Variants in KIAA1671 observed in about 807,000 individuals in gnomAD.
The protein encoded by KIAA1671 is KIAA1671.
Under a neutral mutation model 131.2 loss-of-function variants are expected in KIAA1671, and 52 were observed. The observed-to-expected ratio is 0.40, with a 90% CI of 0.32 to 0.50. The LOEUF (loss-of-function observed/expected upper bound fraction) is 0.50, where lower values mean the gene tolerates loss of function less well. Among genes scored for constraint, KIAA1671 ranks in the 20% least tolerant of loss-of-function variants. The probability of loss-of-function intolerance (pLI) is 0.73; values close to 1 mark genes in which losing one functional copy is unlikely to be tolerated. For synonymous variants in KIAA1671, 1,003 were observed against 961.6 expected (o/e 1.04, Z -0.80); for missense variants, 2,360 against 2,364.2 (o/e 1.00, Z 0.04).
At chr22:25,049,133 C>T in intron 5 of KIAA1671, 97 bp from the exon 6 acceptor site, 2 of 1,396,736 alleles carry the variant, frequency 1.4e-6, no homozygotes, top group Non-Finnish European at 1.9e-6. Context: ...TTCTTCTTTG[C>T]CCTTTTTGGT....
chr22:25,160,155 C>T (rs1933385540), intron 6 of KIAA1671, among the ~76,000 whole-genome samples: 1 of 152,214 alleles, frequency 6.6e-6, no homozygotes, highest in African/African-American at 2.4e-5. Context: ...CCATTGATCA[C>T]CAACAGAGTA....
intron 6 of KIAA1671, among the ~76,000 whole-genome samples, chr22:25,118,413 C>G (rs1248725826): frequency 6.6e-6 from 1 of 152,090 alleles, no homozygotes; most frequent in Non-Finnish European, 1.5e-5. Context: ...CTCAACCTCC[C>G]AAGTAGCTGG....
chr22:25,067,294 C>T (rs890599976), intron 6 of KIAA1671, among the ~76,000 whole-genome samples: 6 of 151,362 alleles, frequency 4.0e-5, no homozygotes, highest in African/African-American at 1.5e-4. Flanking sequence ...TCTTTTTATT[C>T]TTAGCCCCCT....
At position 25,028,988 on chromosome 22, in the gene KIAA1671, T is replaced by C. The variant is rs1157498246; in HGVS notation, c.989T>C (p.Leu330Ser). Reference protein sequence around the residue: ...RAASKLDRDCLVKAEAPLHDP... With the variant: ...RAASKLDRDCSVKAEAPLHDP... ...GCGTCCAAGCTGGACAGGGACTGTT[T>C]GGTCAAGGCGGAGGCTCCTCTTCAT... The change falls in exon 3 of 13, where the codon TTG becomes TCG. Residue 330 changes from leucine (L) to serine (S), a missense_variant. By Grantham distance (145) the Leu-to-Ser change is moderately radical. Around this residue, in one of 3 missense-constraint regions of KIAA1671, gnomAD observed 1,185 missense variants for 1,126.2 expected, o/e 1.05. Coordinates refer to ENST00000358431, the MANE Select transcript of KIAA1671 (RefSeq NM_001145206.2). The C allele has an allele frequency of 6.6e-7, 1 of 1,524,848 alleles. No individual in the cohort carries two copies. The highest frequency in any genetic ancestry group is 1.4e-5 in the African/African-American group (1 of 71,968). The allele number at this position is 1,524,848 out of a possible 1,614,324, so 94.5% of individuals were successfully genotyped here.
chr22:25,157,352 C>T (rs985984927), intron 6 of KIAA1671, among the ~76,000 whole-genome samples: 1 of 152,104 alleles, frequency 6.6e-6, no homozygotes, highest in African/African-American at 2.4e-5. Flanking sequence ...TTCCCCCTCA[C>T]GAATGGCAGG....
chr22:25,042,642 AT>A (rs144254860), intron 5 of KIAA1671, among the ~76,000 whole-genome samples: 47,822 of 144,750 alleles, frequency 0.33, 7,490 homozygotes, highest in Middle Eastern at 0.37. Flanking sequence ...AATTTTTTGT[AT>A]TTTTTTTTTT....
Position 25,029,230 on chromosome 22 carries a change from C to A in KIAA1671, c.1231C>A (p.Leu411Ile). 1 of 1,474,128 alleles carries A rather than the reference C, an allele frequency of 6.8e-7. No individual in the cohort carries two copies. Among genetic ancestry groups the A allele is most frequent in the Non-Finnish European group, 9.0e-7 (1 of 1,108,130 alleles). 91.3% of individuals were successfully genotyped at this position (1,474,128 alleles called of 1,614,324 possible). A position where few individuals can be genotyped will look rare whatever the true frequency, so the allele number is the denominator to read the frequency against. The change falls in exon 3 of 13, where the codon CTA becomes ATA. Residue 411 changes from leucine (L) to isoleucine (I), a missense_variant. Leu to Ile is a conservative substitution (Grantham distance 5). Around this residue, in one of 3 missense-constraint regions of KIAA1671, gnomAD observed 1,185 missense variants for 1,126.2 expected, o/e 1.05. Coordinates refer to ENST00000358431, the MANE Select transcript of KIAA1671 (RefSeq NM_001145206.2). ...CCCCTCACCCAGGCTGGGAAGGGGC[C>A]TAGAACTTGCTGAGGTTAAGAGCAG... Reference protein sequence around the residue: ...ESPSPRLGRGLELAEVKSRVA... With the variant: ...ESPSPRLGRGIELAEVKSRVA...
chr22:25,160,585 G>A (rs555470789), intron 6 of KIAA1671, among the ~76,000 whole-genome samples: 23 of 152,148 alleles, frequency 1.5e-4, no homozygotes, highest in African/African-American at 4.8e-4. Context: ...AGAGATGACC[G>A]CAAGGCCTTC....
At position 25,174,477 on chromosome 22, in the gene KIAA1671, C is replaced by T. The variant is rs1933956896; in HGVS notation, c.4887C>T (p.Phe1629=). 2 of 1,521,602 alleles carry T rather than the reference C, an allele frequency of 1.3e-6. No homozygotes were observed. The highest frequency in any genetic ancestry group is 2.5e-5 in the East Asian group (1 of 40,338). The allele number at this position is 1,521,602 out of a possible 1,614,324, so 94.3% of individuals were successfully genotyped here. A position where few individuals can be genotyped will look rare whatever the true frequency, so the allele number is the denominator to read the frequency against. ...DACPEKRVDD[F]SFIDQTSVLD... ...GCCCTGAAAAGAGAGTAGATGACTT[C>T]TCCTTCATTGATGTAAGTCAGTGGC... Residue 1629 remains phenylalanine (F), a synonymous_variant, in exon 8 of 13, where the codon TTC becomes TTT. Transcript: ENST00000358431.
chr22:25,113,323 G>GC (rs1202083863), intron 6 of KIAA1671, among the ~76,000 whole-genome samples: 1 of 152,160 alleles, frequency 6.6e-6, no homozygotes, highest in Non-Finnish European at 1.5e-5. Flanking sequence ...ATTCAGGGCT[G>GC]CCCAGGTCAC....
At chr22:25,134,305 G>A (rs1230817409) in intron 6 of KIAA1671, among the ~76,000 whole-genome samples, 1 of 152,174 alleles carries the variant, frequency 6.6e-6, no homozygotes, top group Non-Finnish European at 1.5e-5. Flanking sequence ...TTGGCTGGCA[G>A]GCAATTCAGG....
At chr22:25,174,634 G>T in intron 8 of KIAA1671, 145 bp downstream of exon 8, 1 of 924,274 alleles carries the variant, frequency 1.1e-6, no homozygotes. Context: ...ACTCACTTAT[G>T]CATGTATCTT....
At chr22:25,041,890 A>G (rs1427577189) in intron 5 of KIAA1671, among the ~76,000 whole-genome samples, 2 of 151,962 alleles carry the variant, frequency 1.3e-5, no homozygotes, top group African/African-American at 4.8e-5. Flanking sequence ...GATGACAGGC[A>G]TGCGCCACCA....
chr22:25,189,358 A>G (rs1214176348), intron 11 of KIAA1671, among the ~76,000 whole-genome samples: 1 of 151,886 alleles, frequency 6.6e-6, no homozygotes. Flanking sequence ...TATTTTTAAT[A>G]GAGACAGGGT....
At chr22:25,104,129 C>T (rs928447481) in intron 6 of KIAA1671, among the ~76,000 whole-genome samples, 1 of 152,110 alleles carries the variant, frequency 6.6e-6, no homozygotes, top group African/African-American at 2.4e-5. Flanking sequence ...TAGGAAACTG[C>T]CACCACACCC....
chr22:25,097,251 G>GT (rs894582771), intron 6 of KIAA1671, among the ~76,000 whole-genome samples: 1 of 152,150 alleles, frequency 6.6e-6, no homozygotes, highest in African/African-American at 2.4e-5. Flanking sequence ...GAGAGGCCCA[G>GT]TTGCTCCACA....
Position 25,040,125 on chromosome 22 carries a change from AC to A in KIAA1671, c.2998del (p.Gln1000ArgfsTer3). 1.3e-6 allele frequency: 2 copies of A among 1,551,680 alleles called. No individual in the cohort carries two copies. Among genetic ancestry groups the A allele is most frequent in the Non-Finnish European group, 1.7e-6 (2 of 1,147,002 alleles). On this transcript the variant is annotated frameshift_variant, in exon 5 of 13. Coordinates refer to ENST00000358431, the MANE Select transcript of KIAA1671 (RefSeq NM_001145206.2). LOFTEE classifies it high-confidence loss of function. ...KPQLSHYRVE[T>X]QEVNPGASRD... ...TCAACTATCCCACTACAGGGTGGAG[AC>A]CCAGGAGGTGAACCCAGGTGCTTCA...
intron 6 of KIAA1671, among the ~76,000 whole-genome samples, chr22:25,084,573 C>G (rs1319784791): frequency 6.6e-6 from 1 of 152,156 alleles, no homozygotes; most frequent in African/African-American, 2.4e-5. Flanking sequence ...AGAAATGCCT[C>G]CAGGCCAGTT....
At chr22:24,984,882 C>G (rs1286972191) in intron 1 of KIAA1671, among the ~76,000 whole-genome samples, 1 of 144,802 alleles carries the variant, frequency 6.9e-6, no homozygotes, top group Non-Finnish European at 1.5e-5. Flanking sequence ...TCATTGCACT[C>G]CAGCCTGGCG....
Sources: gnomAD v4.1 joint callset for allele counts (sites outside exome capture counted in the v4.1 genomes callset) on GRCh38, gnomAD v4.1.1 for gene constraint, gnomAD v4.1.1 regional missense constraint, MANE v1.5 for transcripts, NCBI Gene and HGNC (gene_info 2026-07-23, HGNC 2026-07-21) for gene names.